The following MTR variants were observed in gnomAD, a reference collection of about 807,000 sequenced individuals.
The protein encoded by MTR is 5-methyltetrahydrofolate-homocysteine methyltransferase.
Under a neutral mutation model 154.8 loss-of-function variants are expected in MTR, and 84 were observed. The observed-to-expected ratio is 0.54, with a 90% confidence interval of 0.45 to 0.65. MTR has a LOEUF of 0.65. MTR is among the 30% of genes least tolerant of loss of function. The pLI is 0.00. For synonymous variants in MTR, 554 were observed against 553.9 expected, an observed-to-expected ratio of 1.00 and a Z score of 0.00; for missense variants, 1,275 against 1,570.2, an observed-to-expected ratio of 0.81 and a Z score of 3.18.
rs529338718 is a variant in MTR, at chr1:236,900,208, T to G, written c.*2564T>G. On this transcript the variant is annotated 3_prime_UTR_variant, in exon 33 of 33. Coordinates refer to ENST00000366577, the MANE Select transcript of MTR (RefSeq NM_000254.3). Reference sequence around the variant, plus strand: ...TAGGTGAATAATTAGATATATATATTCATTCTACGGGATATTATTCAGTAG... The same window carrying G: ...TAGGTGAATAATTAGATATATATATGCATTCTACGGGATATTATTCAGTAG... The G allele has an allele frequency of 6.0e-5, 23 of 383,914 alleles. No individual in the cohort carries two copies. The highest frequency in any genetic ancestry group is 3.3e-4 in the African/African-American group (16 of 48,210). 23.8% of individuals were successfully genotyped at this position (383,914 alleles called of 1,614,324 possible).
At chr1:236,870,726 A>G (rs1396673682) in intron 22 of MTR, among the ~76,000 whole-genome samples, 1 of 152,204 alleles carries the variant, frequency 6.6e-6, no homozygotes, top group Non-Finnish European at 1.5e-5. Context: ...ACTCCCTGAC[A>G]GCTCCATTTG....
intron 15 of MTR, among the ~76,000 whole-genome samples, chr1:236,843,256 C>G (rs1439209833): frequency 6.6e-6 from 1 of 152,060 alleles, no homozygotes; most frequent in African/African-American, 2.4e-5. Flanking sequence ...TAGCAGAAGC[C>G]TAGGTGAGCC....
At chr1:236,800,222 GAT>G in intron 1 of MTR, 1 of 985,362 alleles carries the variant, frequency 1.0e-6, no homozygotes, top group Non-Finnish European at 1.2e-6. Flanking sequence ...GATATTGATT[GAT>G]ATTGATTAAT....
intron 13 of MTR, 48 bp downstream of exon 13, chr1:236,832,126 T>C (rs1407667248): frequency 7.1e-7 from 1 of 1,408,452 alleles, no homozygotes; most frequent in South Asian, 1.2e-5. Flanking sequence ...TGTCTTTGGC[T>C]AGACAGCATG....
chr1:236,829,407 A>C (rs184671223), intron 12 of MTR, 139 bp downstream of exon 12: 2 of 785,146 alleles, frequency 2.5e-6, no homozygotes, highest in Admixed American at 1.9e-5. Context: ...CGCTTAAATG[A>C]ATTCTAGTGA....
chr1:236,838,781 A>G (rs527662018), intron 15 of MTR, among the ~76,000 whole-genome samples, 182 bp downstream of exon 15: 2 of 152,336 alleles, frequency 1.3e-5, no homozygotes, highest in Non-Finnish European at 2.9e-5. Context: ...GTTACTTAAC[A>G]ATGGAGATAT....
At chr1:236,800,086 C>T (rs545097765) in intron 1 of MTR, 4 of 985,128 alleles carry the variant, frequency 4.1e-6, no homozygotes, top group East Asian at 1.1e-4. Flanking sequence ...CAGTAAGGGC[C>T]CCATGGAAAA....
intron 8 of MTR, chr1:236,820,555 A>G: frequency 1.5e-6 from 1 of 655,244 alleles, no homozygotes; most frequent in Non-Finnish European, 2.7e-6. Context: ...TAACATGGAA[A>G]TAAGGCTGAT....
At chr1:236,829,514 G>A (rs1205677990) in intron 12 of MTR, among the ~76,000 whole-genome samples, 1 of 152,168 alleles carries the variant, frequency 6.6e-6, no homozygotes, top group Non-Finnish European at 1.5e-5. Flanking sequence ...AGAGTCCTTG[G>A]TGGGAGCTCG....
intron 12 of MTR, among the ~76,000 whole-genome samples, chr1:236,830,124 T>A (rs1662526742): frequency 6.6e-6 from 1 of 151,996 alleles, no homozygotes; most frequent in African/African-American, 2.4e-5. Flanking sequence ...ACAGAATTAA[T>A]CCCAATCAGT....
chr1:236,858,785 A>G lies in MTR; in HGVS notation c.1954-1048A>G, dbSNP rs1217680348. On this transcript the variant is annotated intron_variant, in intron 18 of 32. Transcript: ENST00000366577. ...GTGATACTTAGGTTTCCGGTTTGGC[A>G]GCTGGTACCTCCAGTTGAGGTGGAG... Among the ~76,000 whole-genome samples the G allele has an allele frequency of 2.6e-5, 4 of 152,320 alleles. No individual in the cohort carries two copies. In the East Asian group the frequency reaches 5.8e-4, roughly 22 times the overall value.
intron 10 of MTR, among the ~76,000 whole-genome samples, chr1:236,825,751 G>A (rs1035451945): frequency 2.0e-5 from 3 of 152,082 alleles, no homozygotes; most frequent in African/African-American, 7.2e-5. Context: ...CCCCCTGGCC[G>A]CCCATTGTCA....
At chr1:236,841,269 C>A (rs1473318814) in intron 15 of MTR, among the ~76,000 whole-genome samples, 1 of 152,182 alleles carries the variant, frequency 6.6e-6, no homozygotes, top group Non-Finnish European at 1.5e-5. Flanking sequence ...TAGCTATAAT[C>A]GTTTTCAGTG....
chr1:236,836,220 T>G (rs1229923364), intron 14 of MTR, among the ~76,000 whole-genome samples: 1 of 152,162 alleles, frequency 6.6e-6, no homozygotes, highest in African/African-American at 2.4e-5. Flanking sequence ...AAAAAAAATC[T>G]TACCTTGTTT....
At position 236,891,217 on chromosome 1, in the gene MTR, T is replaced by C; in HGVS notation, c.3092T>C (p.Val1031Ala). The C allele has an allele frequency of 6.2e-7, 1 of 1,614,002 alleles. No individual in the cohort carries two copies. Among genetic ancestry groups the C allele is most frequent in the South Asian group, 1.1e-5 (1 of 91,056 alleles). ...CAAAAGAAACTCCGGGCCCGGGGTG[T>C]GGTTGGGTTCTGGCCAGCACAGAGT... ...ISQKKLRARG[V>A]VGFWPAQSIQ... Residue 1031 changes from valine to alanine, a missense_variant, in exon 29 of 33, where the codon GTG becomes GCG. Transcript: ENST00000366577.
chr1:236,826,890 A>G lies in MTR; in HGVS notation c.989A>G (p.His330Arg), dbSNP rs759431422. 3.1e-6 allele frequency: 5 copies of G among 1,612,930 alleles called. No individual in the cohort carries two copies. The highest frequency in any genetic ancestry group is 4.2e-6 in the Non-Finnish European group (5 of 1,179,000). Residue 330 changes from histidine to arginine, a missense_variant, in exon 11 of 33, where the codon CAT becomes CGT. Transcript: ENST00000366577. ...GGATGCTGTGGGTCAACACCAGATC[A>G]TATCAGGTAATAATCACCTATAGAC... ...VGGCCGSTPD[H>R]IREIAEAVKN... is the part of the protein sequence containing the mutation.
At chr1:236,833,803 G>A (rs961875232) in intron 13 of MTR, among the ~76,000 whole-genome samples, 3 of 152,292 alleles carry the variant, frequency 2.0e-5, no homozygotes, top group African/African-American at 4.8e-5. Context: ...CTGTTATTCC[G>A]TGATTCTTAA....
At chr1:236,798,124 A>G (rs1170126821) in intron 1 of MTR, among the ~76,000 whole-genome samples, 1 of 152,228 alleles carries the variant, frequency 6.6e-6, no homozygotes, top group African/African-American at 2.4e-5. Context: ...AACAGTGCTG[A>G]GAAAGCCTTG....
chr1:236,810,378 A>G, intron 4 of MTR, 125 bp from the exon 5 acceptor site: 1 of 833,414 alleles, frequency 1.2e-6, no homozygotes. Flanking sequence ...AGCTTTTTGG[A>G]TTTCAGAGTT....
Sources: gnomAD v4.1 joint callset for allele counts (sites outside exome capture counted in the v4.1 genomes callset) on GRCh38, gnomAD v4.1.1 for gene constraint, MANE v1.5 for transcripts, NCBI Gene and HGNC (gene_info 2026-07-23, HGNC 2026-07-21) for gene names.